KCNT2: variants seen among roughly 807,000 people sequenced by gnomAD.
The protein encoded by KCNT2 is potassium channel subfamily T member 2.
Under a neutral mutation model 153.8 loss-of-function variants are expected in KCNT2, and 67 were observed. The ratio of observed to expected loss-of-function variants is 0.44; its 90% confidence interval spans 0.36 to 0.53. KCNT2 has a LOEUF of 0.53. Ranked by LOEUF, KCNT2 falls within the 20% of genes least tolerant of loss-of-function variation. The probability of loss-of-function intolerance (pLI) is 0.00; values close to 1 mark genes in which losing one functional copy is unlikely to be tolerated. For synonymous variants in KCNT2, 500 were observed against 458.8 expected (o/e 1.09, Z -1.15); for missense variants, 975 against 1,354.8 (o/e 0.72, Z 4.40).
intron 1 of KCNT2, among the ~76,000 whole-genome samples, chr1:196,505,210 G>A (rs920633109): frequency 6.6e-6 from 1 of 151,992 alleles, no homozygotes; most frequent in Non-Finnish European, 1.5e-5. Flanking sequence ...GGGTTTTTAT[G>A]GTTTTAGGTC....
At position 196,530,159 on chromosome 1, in the gene KCNT2, A is replaced by AAT. The variant is rs908659455; in HGVS notation, c.96-37820_96-37819dup. ...CAGGAATGGCAGAATGCACAAAGAA[A>AAT]ATATATATATGTATAAATTCATTAA... On this transcript the variant is annotated intron_variant, in intron 1 of 27. Transcript: ENST00000294725. Among the ~76,000 whole-genome samples, 15 of 152,102 alleles carry AAT rather than the reference A, an allele frequency of 9.9e-5. No homozygotes were observed. In the South Asian group the frequency reaches 2.1e-3, roughly 21 times the overall value.
At chr1:196,456,400 A>C (rs1051008052) in intron 8 of KCNT2, among the ~76,000 whole-genome samples, 2 of 151,986 alleles carry the variant, frequency 1.3e-5, no homozygotes, top group Non-Finnish European at 2.9e-5. Flanking sequence ...TATAGTATAA[A>C]AATTAAAACA....
chr1:196,412,109 T>C (rs1329233236), intron 12 of KCNT2, among the ~76,000 whole-genome samples: 7 of 151,790 alleles, frequency 4.6e-5, no homozygotes, highest in Non-Finnish European at 8.8e-5. Context: ...ATGATTATCT[T>C]AGGTTAATCT....
At chr1:196,296,827 A>T (rs1660714145) in intron 22 of KCNT2, among the ~76,000 whole-genome samples, 1 of 151,998 alleles carries the variant, frequency 6.6e-6, no homozygotes, top group Non-Finnish European at 1.5e-5. Context: ...AATGTACTGT[A>T]CTCTCTTTGA....
intron 22 of KCNT2, among the ~76,000 whole-genome samples, chr1:196,303,078 G>A (rs959859809): frequency 1.3e-5 from 2 of 150,702 alleles, no homozygotes; most frequent in African/African-American, 4.9e-5. Context: ...ATTTTCTTTA[G>A]AAAACTTGTA....
At chr1:196,535,264 T>C (rs1655409601) in intron 1 of KCNT2, among the ~76,000 whole-genome samples, 1 of 152,212 alleles carries the variant, frequency 6.6e-6, no homozygotes, top group East Asian at 1.9e-4. Flanking sequence ...CCATCTCATT[T>C]TGTCTTTGAT....
At chr1:196,422,504 T>TA (rs1179211318) in intron 12 of KCNT2, among the ~76,000 whole-genome samples, 1 of 151,998 alleles carries the variant, frequency 6.6e-6, no homozygotes, top group Non-Finnish European at 1.5e-5. Context: ...CAATTTAATT[T>TA]AAAGTTTGAT....
At chr1:196,312,162 G>A (rs1323303579) in intron 21 of KCNT2, among the ~76,000 whole-genome samples, 1 of 151,698 alleles carries the variant, frequency 6.6e-6, no homozygotes, top group Non-Finnish European at 1.5e-5. Context: ...TTTGGGGAGA[G>A]AGGTACAACA....
chr1:196,338,319 G>A (rs1665236072), intron 16 of KCNT2, among the ~76,000 whole-genome samples: 1 of 151,972 alleles, frequency 6.6e-6, no homozygotes, highest in Non-Finnish European at 1.5e-5. Context: ...GCTCAGGAGA[G>A]CAGCAAAGAG....
At chr1:196,314,695 A>C (rs945963646) in intron 21 of KCNT2, among the ~76,000 whole-genome samples, 1 of 151,628 alleles carries the variant, frequency 6.6e-6, no homozygotes, top group African/African-American at 2.4e-5. Context: ...CTGAATCTTA[A>C]TGAGGTTAGG....
At chr1:196,480,795 G>A (rs1212785226) in intron 4 of KCNT2, among the ~76,000 whole-genome samples, 2 of 134,718 alleles carry the variant, frequency 1.5e-5, no homozygotes, top group Admixed American at 8.7e-5. Flanking sequence ...GGCGGAGCTT[G>A]CAGTGAGCCG....
intron 1 of KCNT2, among the ~76,000 whole-genome samples, chr1:196,579,587 G>A (rs568007721): frequency 1.3e-5 from 2 of 151,884 alleles, no homozygotes; most frequent in South Asian, 2.1e-4. Flanking sequence ...TCCTCCTCCC[G>A]GGTTCAAGTG....
At chr1:196,482,645 G>A (rs896807567) in intron 3 of KCNT2, among the ~76,000 whole-genome samples, 2 of 152,042 alleles carry the variant, frequency 1.3e-5, no homozygotes, top group African/African-American at 4.8e-5. Context: ...TGGCAGGGCA[G>A]AATAACCTTA....
intron 13 of KCNT2, among the ~76,000 whole-genome samples, chr1:196,379,491 G>A (rs751238759): frequency 6.6e-6 from 1 of 151,722 alleles, no homozygotes; most frequent in African/African-American, 2.4e-5. Flanking sequence ...AGAATCACTT[G>A]AACTCAGGAG....
At chr1:196,460,061 C>A (rs1403443479) in intron 8 of KCNT2, among the ~76,000 whole-genome samples, 1 of 151,650 alleles carries the variant, frequency 6.6e-6, no homozygotes, top group African/African-American at 2.4e-5. Context: ...TTGTTCTGCT[C>A]TCACAAATTC....
At chr1:196,452,791 AG>A (rs1331709434) in intron 8 of KCNT2, among the ~76,000 whole-genome samples, 20 of 152,008 alleles carry the variant, frequency 1.3e-4, no homozygotes, top group African/African-American at 4.8e-4. Flanking sequence ...AGGGAAAGCC[AG>A]TGTTGAAGTC....
At chr1:196,493,027 A>G (rs2148735992) in intron 1 of KCNT2, among the ~76,000 whole-genome samples, 1 of 152,318 alleles carries the variant, frequency 6.6e-6, no homozygotes, top group South Asian at 2.1e-4. Flanking sequence ...ACAGTCTAAA[A>G]TAATAGCAGT....
At chr1:196,590,664 G>C (rs1174933902) in intron 1 of KCNT2, among the ~76,000 whole-genome samples, 2 of 152,090 alleles carry the variant, frequency 1.3e-5, no homozygotes, top group African/African-American at 4.8e-5. Flanking sequence ...AAATCCTAAA[G>C]GTTGATCTAC....
intron 1 of KCNT2, among the ~76,000 whole-genome samples, chr1:196,497,356 C>T (rs571439102): frequency 6.6e-6 from 1 of 151,994 alleles, no homozygotes; most frequent in Admixed American, 6.5e-5. Flanking sequence ...TGCTATTTCC[C>T]TCCTAATTTT....
Sources: gnomAD v4.1 joint callset for allele counts (sites outside exome capture counted in the v4.1 genomes callset) on GRCh38, gnomAD v4.1.1 for gene constraint, MANE v1.5 for transcripts, NCBI Gene and HGNC (gene_info 2026-07-23, HGNC 2026-07-21) for gene names.